The following TBC1D32 variants were observed in gnomAD, a reference collection of about 807,000 sequenced individuals.
The protein encoded by TBC1D32 is TBC1 domain family member 32, also known as protein broad-minded.
TBC1D32 carries 151 observed loss-of-function variants against 170.3 expected under a neutral mutation model. The observed-to-expected ratio is 0.89, with a 90% CI of 0.78 to 1.01. The LOEUF (loss-of-function observed/expected upper bound fraction) is 1.01, where lower values mean the gene tolerates loss of function less well. Among genes scored for constraint, TBC1D32 ranks in the 50% least tolerant of loss-of-function variants. The probability of loss-of-function intolerance (pLI) is 0.00; values close to 1 mark genes in which losing one functional copy is unlikely to be tolerated. For missense variants in TBC1D32, 1,464 were observed against 1,457.1 expected, an observed-to-expected ratio of 1.00 and a Z score of -0.08; for synonymous variants, 498 against 488.0, an observed-to-expected ratio of 1.02 and a Z score of -0.27.
At chr6:121,094,318 C>T (rs534715816) in intron 30 of TBC1D32, among the ~76,000 whole-genome samples, 6 of 151,850 alleles carry the variant, frequency 4.0e-5, no homozygotes, top group Non-Finnish European at 8.8e-5. Context: ...CAGGTGTGTG[C>T]CAAGACCCCA....
rs1170057737 is a variant in TBC1D32, at chr6:121,242,270, AAG to A, written c.2086_2087del (p.Leu696SerfsTer9). ...HFAATPKGLL[L>X]LQRTGAINEC... The stretch of plus-strand genomic sequence containing the variant: ...CATTGATAGCACCTGTTCTTTGAAG[AAG>A]TAGTAATCCTTTGGGGGTGGCAGCA... On this transcript the variant is annotated frameshift_variant, in exon 18 of 32. Coordinates refer to ENST00000398212, the MANE Select transcript of TBC1D32 (RefSeq NM_152730.6). LOFTEE classifies it high-confidence loss of function. 6 of 1,612,712 alleles carry A rather than the reference AAG, an allele frequency of 3.7e-6. No individual in the cohort carries two copies. Among genetic ancestry groups the A allele is most frequent in the Non-Finnish European group, 5.1e-6 (6 of 1,179,274 alleles).
Position 121,263,298 on chromosome 6 carries a change from C to A in TBC1D32, c.1734-7013G>T, listed in dbSNP as rs536102904. Among the ~76,000 whole-genome samples the A allele has an allele frequency of 3.3e-5, 5 of 152,118 alleles. 1 individual carries two copies. Among genetic ancestry groups the A allele is most frequent in the African/African-American group, 1.2e-4 (5 of 41,516 alleles). On this transcript the variant is annotated intron_variant, in intron 15 of 31. Coordinates refer to ENST00000398212, the MANE Select transcript of TBC1D32 (RefSeq NM_152730.6). ...AAAGCAGGGGTTTCAACACCAGTTT[C>A]TGACAAAACAGACTTTAAACCAACA...
intron 22 of TBC1D32, chr6:121,170,497 G>C: frequency 6.2e-7 from 1 of 1,603,776 alleles, no homozygotes; most frequent in Non-Finnish European, 8.5e-7. Context: ...GGAGAAGAGT[G>C]TCCAGATCAC....
At chr6:121,319,059 T>G (rs2128498681) in intron 2 of TBC1D32, among the ~76,000 whole-genome samples, 1 of 149,652 alleles carries the variant, frequency 6.7e-6, no homozygotes, top group Non-Finnish European at 1.5e-5. Flanking sequence ...TAAAATATAT[T>G]AATATATTTA....
chr6:121,126,533 A>G (rs1398797842), intron 25 of TBC1D32, 72 bp from the exon 26 acceptor site: 3 of 1,109,484 alleles, frequency 2.7e-6, no homozygotes, highest in Non-Finnish European at 4.0e-6. Context: ...CTTAAATCAC[A>G]GAACTAGTAG....
intron 14 of TBC1D32, 39 bp from the exon 15 acceptor site, chr6:121,279,284 T>G (rs371182066): frequency 4.0e-4 from 633 of 1,591,686 alleles, no homozygotes; most frequent in Non-Finnish European, 5.3e-4. Flanking sequence ...TCACATAATT[T>G]TATGACATGC....
At position 121,293,625 on chromosome 6, in the gene TBC1D32, G is replaced by C. The variant is rs144575350; in HGVS notation, c.1231+945C>G. The stretch of plus-strand genomic sequence containing the variant: ...GGGAGGCCTTGAAATTTAAAATACA[G>C]TTTCTGCAGGGCGCGGTGGCTCATG... On this transcript the variant is annotated intron_variant, in intron 11 of 31. Coordinates refer to ENST00000398212, the MANE Select transcript of TBC1D32 (RefSeq NM_152730.6). Among the ~76,000 whole-genome samples, 317 of 152,258 alleles carry C rather than the reference G, an allele frequency of 2.1e-3. 1 individual carries two copies. The highest frequency in any genetic ancestry group is 7.3e-3 in the African/African-American group (305 of 41,546).
Position 121,304,828 on chromosome 6 carries a change from C to G in TBC1D32, c.696G>C (p.Arg232=). 1 of 1,606,922 alleles carries G rather than the reference C, an allele frequency of 6.2e-7. No individual in the cohort carries two copies. Among genetic ancestry groups the G allele is most frequent in the Admixed American group, 1.7e-5 (1 of 58,606 alleles). ...ATGTCTGTGCACAGAATTTTAAAAT[C>G]CGGTCCTACGGAAATGAGACAGAAA... ...LSDPDPVFSD[R]ILKFCAQTFL... Residue 232 remains arginine (R), a synonymous_variant, in exon 6 of 32, where the codon CGG becomes CGC. Coordinates refer to ENST00000398212, the MANE Select transcript of TBC1D32 (RefSeq NM_152730.6).
intron 26 of TBC1D32, among the ~76,000 whole-genome samples, chr6:121,120,642 C>A (rs535731958): frequency 1.3e-5 from 2 of 152,054 alleles, no homozygotes; most frequent in East Asian, 3.9e-4. Context: ...CCTTTAAAAT[C>A]TCTTCCCAAT....
chr6:121,308,244 A>T, intron 4 of TBC1D32, 143 bp from the exon 5 acceptor site: 1 of 820,566 alleles, frequency 1.2e-6, no homozygotes, highest in Non-Finnish European at 1.9e-6. Context: ...TATATTAAAA[A>T]GCTCTTGAGA....
intron 30 of TBC1D32, among the ~76,000 whole-genome samples, chr6:121,091,943 GA>G (rs1776849803): frequency 6.6e-6 from 1 of 152,120 alleles, no homozygotes; most frequent in Non-Finnish European, 1.5e-5. Context: ...GGAAGACAAT[GA>G]AAAGACACAA....
At chr6:121,160,153 T>C (rs566304657) in intron 23 of TBC1D32, 50 bp from the exon 24 acceptor site, 5 of 1,184,904 alleles carry the variant, frequency 4.2e-6, no homozygotes, top group South Asian at 4.2e-5. Context: ...TAAAATAATA[T>C]TGAATTTTAA....
intron 22 of TBC1D32, 89 bp from the exon 23 acceptor site, chr6:121,161,145 G>T: frequency 3.0e-6 from 3 of 990,718 alleles, no homozygotes; most frequent in East Asian, 2.6e-5. Context: ...AAAGAAAAAA[G>T]GCAAAAATAT....
chr6:121,242,257 C>G lies in TBC1D32; in HGVS notation c.2101G>C (p.Gly701Arg), dbSNP rs763436647. 3 of 1,612,110 alleles carry G rather than the reference C, an allele frequency of 1.9e-6. No individual in the cohort carries two copies. Among genetic ancestry groups the G allele is most frequent in the East Asian group, 4.5e-5 (2 of 44,690 alleles). ...AATGTCACACATTCATTGATAGCAC[C>G]TGTTCTTTGAAGAAGTAGTAATCCT... ...PKGLLLLQRT[G>R]AINECVTFIF... Residue 701 changes from glycine to arginine, a missense_variant, in exon 18 of 32, where the codon GGT becomes CGT. By Grantham distance (125) the Gly-to-Arg change is moderately radical. This residue lies in a region of TBC1D32 where 1,363 missense variants were observed against 1,338.1 expected (regional missense o/e 1.02). Transcript: ENST00000398212.
intron 24 of TBC1D32, among the ~76,000 whole-genome samples, chr6:121,138,884 G>A (rs975584916): frequency 4.1e-5 from 6 of 147,526 alleles, no homozygotes; most frequent in Admixed American, 1.4e-4. Context: ...TCGCTCTGTC[G>A]CCCAGGCTGG....
At chr6:121,143,265 TATAC>T in intron 24 of TBC1D32, among the ~76,000 whole-genome samples, 1 of 152,300 alleles carries the variant, frequency 6.6e-6, no homozygotes, top group East Asian at 1.9e-4. Flanking sequence ...TACACATATG[TATAC>T]ATACATACAC....
intron 17 of TBC1D32, among the ~76,000 whole-genome samples, chr6:121,250,979 A>G (rs1320508733): frequency 6.6e-6 from 1 of 152,162 alleles, no homozygotes; most frequent in Admixed American, 6.5e-5. Flanking sequence ...CCCATTCACA[A>G]CTGCTGCGAG....
chr6:121,279,007 A>G, intron 15 of TBC1D32, 114 bp downstream of exon 15: 2 of 1,143,264 alleles, frequency 1.7e-6, no homozygotes, highest in Non-Finnish European at 2.4e-6. Context: ...CTGGCTGCAT[A>G]GTCCATAATC....
At chr6:121,313,612 T>C (rs1364113503) in intron 3 of TBC1D32, among the ~76,000 whole-genome samples, 2 of 152,118 alleles carry the variant, frequency 1.3e-5, no homozygotes, top group Non-Finnish European at 2.9e-5. Context: ...TAGCTATCTT[T>C]CCCTTTCACT....
Sources: gnomAD v4.1 joint callset for allele counts (sites outside exome capture counted in the v4.1 genomes callset) on GRCh38, gnomAD v4.1.1 for gene constraint, gnomAD v4.1.1 regional missense constraint, MANE v1.5 for transcripts, NCBI Gene and HGNC (gene_info 2026-07-23, HGNC 2026-07-21) for gene names.